Variants in NALF1 observed in about 807,000 individuals in gnomAD.
NALF1 encodes the protein NALCN channel auxiliary factor 1, also known as family with sequence similarity 155 member A.
A neutral mutation model predicts 48.4 loss-of-function variants in NALF1; 3 were observed. The ratio of observed to expected loss-of-function variants is 0.06; its 90% CI spans 0.03 to 0.16. The LOEUF (loss-of-function observed/expected upper bound fraction) is 0.16, where lower values mean the gene tolerates loss of function less well. Ranked by LOEUF, NALF1 falls within the 10% of genes least tolerant of loss-of-function variation. The pLI is 1.00. For missense variants in NALF1, 526 were observed against 571.5 expected, an observed-to-expected ratio of 0.92 and a Z score of 0.81; for synonymous variants, 262 against 245.7, an observed-to-expected ratio of 1.07 and a Z score of -0.62.
chr13:107,866,988 G>A lies in NALF1; in HGVS notation c.-392C>T, dbSNP rs1594323881. 6.6e-6 allele frequency among the ~76,000 whole-genome samples: 1 copy of A among 151,838 alleles called. No homozygotes were observed. The highest frequency in any genetic ancestry group is 2.1e-4 in the South Asian group (1 of 4,808). ...CAGGGGGCGATGGTGGAGGTGACAG[G>A]GTGGCTGGCGCGGCTCCGGTCACCC... On this transcript the variant is annotated 5_prime_UTR_variant, in exon 1 of 3. Transcript: ENST00000375915. This position sits in a 1 kb window ranked among gnomAD's most constrained non-coding sequence, Gnocchi z 4.4.
chr13:107,401,239 C>T (rs1461340512), intron 1 of NALF1, among the ~76,000 whole-genome samples: 4 of 152,156 alleles, frequency 2.6e-5, no homozygotes, highest in African/African-American at 9.7e-5. Flanking sequence ...GCTGCCTGCC[C>T]ATCAGTCACT....
At chr13:107,389,926 T>C (rs1344223370) in intron 1 of NALF1, among the ~76,000 whole-genome samples, 2 of 152,220 alleles carry the variant, frequency 1.3e-5, no homozygotes, top group Non-Finnish European at 2.9e-5. Flanking sequence ...TATTTCTTAA[T>C]TATTATCTCT....
intron 1 of NALF1, among the ~76,000 whole-genome samples, chr13:107,471,557 A>G (rs986339885): frequency 6.6e-6 from 1 of 152,176 alleles, no homozygotes; most frequent in Non-Finnish European, 1.5e-5. Context: ...GTAAGTTTCC[A>G]GTATGACTTT....
At chr13:107,553,520 T>C (rs1354702961) in intron 1 of NALF1, among the ~76,000 whole-genome samples, 1 of 152,230 alleles carries the variant, frequency 6.6e-6, no homozygotes, top group Non-Finnish European at 1.5e-5. Context: ...CAATTGCTTC[T>C]GAAGTTAGCA....
At chr13:107,232,519 AATC>A (rs761400204) in intron 1 of NALF1, among the ~76,000 whole-genome samples, 2 of 152,124 alleles carry the variant, frequency 1.3e-5, no homozygotes, top group Non-Finnish European at 2.9e-5. Context: ...CCTAATCACA[AATC>A]ATCTTAGCCA....
At position 107,835,397 on chromosome 13, in the gene NALF1, C is replaced by G. The variant is rs1879860347; in HGVS notation, c.915+30285G>C. ...ACAAGGCTCTTACAAGACAGCATGA[C>G]TTACCTTCACTAATAAAAGAGCCAT... On this transcript the variant is annotated intron_variant, in intron 1 of 2. Coordinates refer to ENST00000375915, the MANE Select transcript of NALF1 (RefSeq NM_001080396.3). The G allele has an allele frequency of 2.0e-5, 3 of 152,288 alleles. No homozygotes were observed. The South Asian group carries it at 6.2e-4, about 32-fold the overall frequency. The allele number at this position is 152,288 out of a possible 1,614,324, so 9.4% of individuals were successfully genotyped here. A position where few individuals can be genotyped will look rare whatever the true frequency, so the allele number is the denominator to read the frequency against.
intron 1 of NALF1, among the ~76,000 whole-genome samples, chr13:107,719,924 T>C (rs530154621): frequency 6.6e-6 from 1 of 152,202 alleles, no homozygotes; most frequent in Admixed American, 6.5e-5. Context: ...ATCATATTTC[T>C]CTCTTCTTCC....
chr13:107,862,070 C>A (rs567907521), intron 1 of NALF1, among the ~76,000 whole-genome samples: 19 of 152,238 alleles, frequency 1.2e-4, no homozygotes, highest in African/African-American at 4.6e-4. Context: ...ACAAAAATTA[C>A]AATTTATACT....
intron 1 of NALF1, among the ~76,000 whole-genome samples, chr13:107,739,280 C>A (rs1417960288): frequency 1.3e-5 from 2 of 151,722 alleles, no homozygotes; most frequent in African/African-American, 4.8e-5. Context: ...ACCTGTGTAA[C>A]AAACCCGCAC....
intron 1 of NALF1, among the ~76,000 whole-genome samples, chr13:107,380,390 T>C (rs979372483): frequency 1.3e-5 from 2 of 152,168 alleles, no homozygotes; most frequent in African/African-American, 4.8e-5. Flanking sequence ...AACTCTTGTA[T>C]AAGGACAGAG....
At chr13:107,516,592 G>A (rs1294493245) in intron 1 of NALF1, among the ~76,000 whole-genome samples, 2 of 151,988 alleles carry the variant, frequency 1.3e-5, no homozygotes, top group Admixed American at 6.6e-5. Context: ...AAGTAATCTT[G>A]TAGCAGTTAG....
intron 1 of NALF1, among the ~76,000 whole-genome samples, chr13:107,548,851 A>G (rs1011928561): frequency 1.3e-5 from 2 of 152,048 alleles, no homozygotes; most frequent in Non-Finnish European, 2.9e-5. Flanking sequence ...ATATAAATAA[A>G]ATAAAAAATT....
chr13:107,588,330 G>A (rs552220914), intron 1 of NALF1, among the ~76,000 whole-genome samples: 1 of 152,202 alleles, frequency 6.6e-6, no homozygotes, highest in East Asian at 1.9e-4. Flanking sequence ...AATTGAACAT[G>A]GGTATGTTGG....
intron 1 of NALF1, among the ~76,000 whole-genome samples, chr13:107,527,758 G>A (rs113673073): frequency 9.9e-5 from 15 of 151,980 alleles, no homozygotes; most frequent in Non-Finnish European, 1.9e-4. Context: ...AACTTCTTTC[G>A]CTTGGGTCTC....
intron 1 of NALF1, among the ~76,000 whole-genome samples, chr13:107,545,417 C>T (rs1369163950): frequency 2.0e-5 from 3 of 152,166 alleles, no homozygotes; most frequent in Non-Finnish European, 2.9e-5. Context: ...GGAGAGAATA[C>T]ATTTCTGTTG....
At chr13:107,777,830 T>C (rs1204587005) in intron 1 of NALF1, among the ~76,000 whole-genome samples, 1 of 152,198 alleles carries the variant, frequency 6.6e-6, no homozygotes, top group Non-Finnish European at 1.5e-5. Flanking sequence ...GTGGCAGTTA[T>C]TGAAACTTGA....
intron 1 of NALF1, among the ~76,000 whole-genome samples, chr13:107,451,679 T>G (rs1884742692): frequency 6.6e-6 from 1 of 152,212 alleles, no homozygotes; most frequent in South Asian, 2.1e-4. Context: ...CAGAAAAACA[T>G]TATGCTTCTG....
chr13:107,705,099 T>C (rs764249219), intron 1 of NALF1, among the ~76,000 whole-genome samples: 15 of 152,192 alleles, frequency 9.9e-5, no homozygotes, highest in Non-Finnish European at 1.6e-4. Flanking sequence ...ATTACTCCCT[T>C]TGATATACAA....
At chr13:107,773,708 A>G (rs936382567) in intron 1 of NALF1, among the ~76,000 whole-genome samples, 3 of 95,470 alleles carry the variant, frequency 3.1e-5, no homozygotes, top group Admixed American at 1.7e-4. Context: ...GAAGGGGAAC[A>G]TCGCACACCA....
Sources: allele counts gnomAD v4.1 joint callset (sites outside exome capture counted in the v4.1 genomes callset), GRCh38; gene constraint gnomAD v4.1.1; non-coding constraint Gnocchi (gnomAD v3.1); transcripts MANE v1.5; gene names NCBI Gene and HGNC (gene_info 2026-07-23, HGNC 2026-07-21).